WWOX: variants seen among roughly 807,000 people sequenced by gnomAD.
WWOX encodes the protein WW domain containing oxidoreductase, also known as WW domain-containing oxidoreductase.
Under a neutral mutation model 46.2 loss-of-function variants are expected in WWOX, and 69 were observed. The ratio of observed to expected loss-of-function variants is 1.49; its 90% CI spans 1.23 to 1.82. The LOEUF (loss-of-function observed/expected upper bound fraction) is 1.82. WWOX is among the 40% of genes most tolerant of loss of function. WWOX has a pLI of 0.00. For synonymous variants in WWOX, 359 were observed against 202.6 expected, an observed-to-expected ratio of 1.77 and a Z score of -6.56; for missense variants, 919 against 542.6, an observed-to-expected ratio of 1.69 and a Z score of -6.89.
intron 8 of WWOX, among the ~76,000 whole-genome samples, chr16:79,094,152 T>C (rs946751251): frequency 2.0e-5 from 3 of 152,140 alleles, no homozygotes; most frequent in African/African-American, 7.2e-5. Context: ...CAAACAACTG[T>C]GCATGTAGGG....
chr16:78,711,725 A>G (rs952787041), intron 8 of WWOX, among the ~76,000 whole-genome samples: 1 of 152,182 alleles, frequency 6.6e-6, no homozygotes, highest in Non-Finnish European at 1.5e-5. Context: ...TGTTCCCTCC[A>G]ATTCCCATGT....
At chr16:78,619,814 C>T (rs1375253153) in intron 8 of WWOX, among the ~76,000 whole-genome samples, 1 of 152,058 alleles carries the variant, frequency 6.6e-6, no homozygotes, top group Admixed American at 6.6e-5. Flanking sequence ...GAGGCTGAGG[C>T]AGGAGAATCA....
At chr16:78,905,153 G>C (rs540271803) in intron 8 of WWOX, among the ~76,000 whole-genome samples, 1 of 152,164 alleles carries the variant, frequency 6.6e-6, no homozygotes, top group Non-Finnish European at 1.5e-5. Flanking sequence ...CCCTCTATGA[G>C]GGGTTATACC....
intron 8 of WWOX, among the ~76,000 whole-genome samples, chr16:78,617,183 A>G (rs983425138): frequency 4.6e-5 from 7 of 152,122 alleles, no homozygotes; most frequent in African/African-American, 1.7e-4. Flanking sequence ...AGGCTGAGGC[A>G]GGTGGATCAC....
intron 5 of WWOX, among the ~76,000 whole-genome samples, chr16:78,303,644 A>T (rs141673332): frequency 6.6e-6 from 1 of 152,334 alleles, no homozygotes; most frequent in African/African-American, 2.4e-5. Context: ...TCCCGGTTTC[A>T]AGCGATTCTC....
chr16:78,587,474 C>T (rs146821646), intron 8 of WWOX, among the ~76,000 whole-genome samples: 63 of 152,122 alleles, frequency 4.1e-4, no homozygotes, highest in Admixed American at 1.2e-3. Context: ...TAATTGATTC[C>T]AAACGTGCAT....
rs2048478582 is a variant in WWOX, at chr16:79,068,258, C to G, written c.1057-143350C>G. ...TATGAACTGCCTAAGAATGCCATGA[C>G]TGTGTCAAGCACTTCCCATAACTAG... On this transcript the variant is annotated intron_variant, in intron 8 of 8. Coordinates refer to ENST00000566780, the MANE Select transcript of WWOX (RefSeq NM_016373.4). 2.0e-5 allele frequency among the ~76,000 whole-genome samples: 3 copies of G among 152,190 alleles called. No individual in the cohort carries two copies. The South Asian group carries it at 6.2e-4, about 32-fold the overall frequency.
intron 5 of WWOX, among the ~76,000 whole-genome samples, chr16:78,346,959 A>T (rs1292027320): frequency 8.4e-6 from 1 of 119,438 alleles, no homozygotes; most frequent in East Asian, 1.9e-4. Context: ...TCCTGACCTC[A>T]GGTGATCTGC....
chr16:78,432,636 C>A lies in WWOX; in HGVS notation c.940C>A (p.Arg314Ser). The part of the protein sequence containing the change: ...SNELHRRLSP[R>S]GVTSNAVHPG... ...CGAGCTGCACCGTCGCCTCTCCCCA[C>A]GCGGGGTCACGTCGAACGCAGTGCA... Residue 314 changes from arginine to serine, a missense_variant, in exon 8 of 9, where the codon CGC becomes AGC. Arg to Ser is a moderately radical substitution (Grantham distance 110). Transcript: ENST00000566780. The A allele has an allele frequency of 6.2e-7, 1 of 1,614,240 alleles. No individual in the cohort carries two copies. The highest frequency in any genetic ancestry group is 8.5e-7 in the Non-Finnish European group (1 of 1,180,052).
chr16:78,649,873 T>C (rs1369973419), intron 8 of WWOX, among the ~76,000 whole-genome samples: 1 of 152,166 alleles, frequency 6.6e-6, no homozygotes, highest in Admixed American at 6.5e-5. Context: ...CCACATATGG[T>C]ATAAGGCACA....
intron 8 of WWOX, among the ~76,000 whole-genome samples, chr16:79,198,260 C>G (rs1450926152): frequency 6.6e-6 from 1 of 152,054 alleles, no homozygotes; most frequent in Non-Finnish European, 1.5e-5. Flanking sequence ...ATCGCTTGAA[C>G]CTGGGAGGCG....
chr16:79,163,445 A>G (rs566781472), intron 8 of WWOX, among the ~76,000 whole-genome samples: 2 of 152,184 alleles, frequency 1.3e-5, no homozygotes, highest in Non-Finnish European at 2.9e-5. Context: ...AGAGATAAGC[A>G]TACAGAAAAC....
rs528952604 is a variant in WWOX, at chr16:79,042,950, C to T, written c.1057-168658C>T. 2.0e-4 allele frequency among the ~76,000 whole-genome samples: 30 copies of T among 152,244 alleles called. No individual in the cohort carries two copies. The South Asian group carries it at 3.7e-3, about 19-fold the overall frequency. ...TGATGAGCAAATGCCTATGGATGCC[C>T]TCATTTCTCATCCTTCTTGACTGTC... On this transcript the variant is annotated intron_variant, in intron 8 of 8. Transcript: ENST00000566780.
intron 8 of WWOX, among the ~76,000 whole-genome samples, chr16:78,724,979 G>A (rs1271694958): frequency 1.3e-5 from 2 of 152,084 alleles, no homozygotes; most frequent in Non-Finnish European, 2.9e-5. Context: ...GCACTTTATT[G>A]GTGATATGGT....
intron 8 of WWOX, among the ~76,000 whole-genome samples, chr16:79,010,402 C>T (rs895793917): frequency 1.3e-5 from 2 of 152,032 alleles, no homozygotes; most frequent in Admixed American, 1.3e-4. Flanking sequence ...ACTCAAAGGA[C>T]CTATGTTTGC....
chr16:78,139,707 C>A (rs1348763903), intron 4 of WWOX, among the ~76,000 whole-genome samples: 12 of 152,070 alleles, frequency 7.9e-5, no homozygotes, highest in Admixed American at 4.6e-4. Flanking sequence ...TTTAAGAGTT[C>A]TTTGTCTTAC....
chr16:78,907,655 C>G (rs146271333), intron 8 of WWOX, among the ~76,000 whole-genome samples: 3 of 152,204 alleles, frequency 2.0e-5, no homozygotes, highest in Non-Finnish European at 4.4e-5. Flanking sequence ...CTTACTCTTA[C>G]AATTTTTGCA....
chr16:78,795,321 A>C (rs768089229), intron 8 of WWOX, among the ~76,000 whole-genome samples: 1 of 152,200 alleles, frequency 6.6e-6, no homozygotes, highest in Non-Finnish European at 1.5e-5. Context: ...TTTTAAGTCC[A>C]GGCAGTCCAA....
intron 6 of WWOX, among the ~76,000 whole-genome samples, chr16:78,398,921 C>G (rs922804964): frequency 6.6e-6 from 1 of 152,200 alleles, no homozygotes; most frequent in Admixed American, 6.5e-5. Flanking sequence ...ATTACATTTA[C>G]TGCCTTCTAG....
Sources: allele counts gnomAD v4.1 joint callset (sites outside exome capture counted in the v4.1 genomes callset), GRCh38; gene constraint gnomAD v4.1.1; transcripts MANE v1.5; gene names NCBI Gene and HGNC (gene_info 2026-07-23, HGNC 2026-07-21).